CDH13: variants seen among roughly 807,000 people sequenced by gnomAD.
CDH13 encodes the protein cadherin 13.
Under a neutral mutation model 63.8 loss-of-function variants are expected in CDH13, and 24 were observed. The ratio of observed to expected loss-of-function variants is 0.38; its 90% CI spans 0.27 to 0.53. The LOEUF is 0.53. CDH13 is among the 20% of genes least tolerant of loss of function. The pLI is 0.85. For missense variants in CDH13, 1,049 were observed against 903.1 expected (o/e 1.16, Z -2.07); for synonymous variants, 503 against 355.3 (o/e 1.42, Z -4.67).
intron 7 of CDH13, among the ~76,000 whole-genome samples, chr16:83,601,317 C>G (rs924452014): frequency 1.3e-5 from 2 of 152,174 alleles, no homozygotes; most frequent in Non-Finnish European, 2.9e-5. Context: ...TTACCAATGA[C>G]TGCACTCTTC....
intron 8 of CDH13, chr16:83,654,863 C>G (rs924901181): frequency 1.3e-5 from 2 of 152,202 alleles, no homozygotes; most frequent in African/African-American, 4.8e-5. Context: ...AAGAGCATCT[C>G]CAGGTGGCTC....
chr16:83,047,214 A>G lies in CDH13; in HGVS notation c.366+14996A>G, dbSNP rs1450617866. Among the ~76,000 whole-genome samples, 4 of 151,936 alleles carry G rather than the reference A, an allele frequency of 2.6e-5. No individual in the cohort carries two copies. In the East Asian group the frequency reaches 7.7e-4, roughly 29 times the overall value. ...ATCTGAAGACCACCTCCTGCCCCTC[A>G]CTCTTACTCCAGAGGCCTGTGTATT... is the stretch of plus-strand genomic sequence containing the variant. On this transcript the variant is annotated intron_variant, in intron 3 of 13. Coordinates refer to ENST00000567109, the MANE Select transcript of CDH13 (RefSeq NM_001257.5). The surrounding 1 kb of genome is among the most constrained non-coding windows in gnomAD (Gnocchi z 4.9).
chr16:83,031,611 C>T (rs1916358836), intron 2 of CDH13, among the ~76,000 whole-genome samples: 1 of 151,932 alleles, frequency 6.6e-6, no homozygotes. Flanking sequence ...CTTCAATACC[C>T]AGCTCAAATA....
chr16:82,648,973 G>C (rs3910226), intron 1 of CDH13, among the ~76,000 whole-genome samples: 70,050 of 151,884 alleles, frequency 0.46, 17,016 homozygotes, highest in African/African-American at 0.63. Flanking sequence ...ATTTTAGATG[G>C]TTGATCATGA....
intron 3 of CDH13, among the ~76,000 whole-genome samples, chr16:83,034,007 C>G (rs895459525): frequency 6.6e-6 from 1 of 152,108 alleles, no homozygotes; most frequent in African/African-American, 2.4e-5. Context: ...GTGGGTCACA[C>G]AGCTGGGAGC....
intron 1 of CDH13, among the ~76,000 whole-genome samples, chr16:82,634,713 C>T (rs1908438177): frequency 6.6e-6 from 1 of 152,216 alleles, no homozygotes; most frequent in Non-Finnish European, 1.5e-5. Flanking sequence ...AGTTTCCTGA[C>T]TCTTTATCTA....
chr16:83,643,220 A>G (rs1406891395), intron 8 of CDH13, among the ~76,000 whole-genome samples: 1 of 70,358 alleles, frequency 1.4e-5, no homozygotes, highest in Non-Finnish European at 2.6e-5. Context: ...CCAGCATGGC[A>G]CATGTATACA....
At chr16:82,810,605 T>C (rs2037395461) in intron 1 of CDH13, among the ~76,000 whole-genome samples, 2 of 152,068 alleles carry the variant, frequency 1.3e-5, no homozygotes, top group Admixed American at 6.6e-5. Flanking sequence ...GTCTGTGGCA[T>C]TAGTTAGCAT....
intron 1 of CDH13, among the ~76,000 whole-genome samples, chr16:82,749,247 C>G (rs2034311272): frequency 6.6e-6 from 1 of 152,156 alleles, no homozygotes; most frequent in Non-Finnish European, 1.5e-5. Flanking sequence ...CTGGATCCAG[C>G]TGTACCTAAA....
chr16:82,893,831 G>A (rs116159100), intron 2 of CDH13, among the ~76,000 whole-genome samples: 9 of 152,146 alleles, frequency 5.9e-5, no homozygotes, highest in African/African-American at 2.2e-4. Flanking sequence ...TTCTTTCCAT[G>A]TGACTTATCG....
At chr16:82,841,934 C>T (rs1251452442) in intron 1 of CDH13, among the ~76,000 whole-genome samples, 1 of 151,170 alleles carries the variant, frequency 6.6e-6, no homozygotes, top group East Asian at 1.9e-4. Flanking sequence ...GCATTTATGC[C>T]CTGGACATTG....
In CDH13 at chr16:83,082,830, A is replaced by G. The variant is rs577727194; in HGVS notation, c.367-42555A>G. Among the ~76,000 whole-genome samples, 80 of 152,332 alleles carry G rather than the reference A, an allele frequency of 5.3e-4. 1 individual carries two copies. The South Asian group carries it at 0.016, about 31-fold the overall frequency. On this transcript the variant is annotated intron_variant, in intron 3 of 13. Transcript: ENST00000567109. The stretch of plus-strand genomic sequence containing the variant: ...AAAGTCCCTCAAGCACAGAGTCAAT[A>G]TTAATTAGCAAAGCATTCGGTGCTG...
chr16:83,753,072 A>AT (rs1451756812), intron 11 of CDH13, among the ~76,000 whole-genome samples: 12 of 152,342 alleles, frequency 7.9e-5, no homozygotes, highest in African/African-American at 2.9e-4. Flanking sequence ...TAACATACAA[A>AT]ACCATCGTTA....
intron 6 of CDH13, among the ~76,000 whole-genome samples, chr16:83,356,009 C>T (rs183915526): frequency 1.3e-5 from 2 of 152,306 alleles, no homozygotes; most frequent in African/African-American, 4.8e-5. Flanking sequence ...GCCGTGGTCA[C>T]ACAGCTGGTG....
chr16:83,212,060 C>T (rs550874605), intron 4 of CDH13, among the ~76,000 whole-genome samples: 2 of 152,212 alleles, frequency 1.3e-5, no homozygotes, highest in Admixed American at 6.5e-5. Context: ...TTGCTTTGGC[C>T]AGAGGAGTGC....
rs1056034434 is a variant in CDH13, at chr16:83,741,763, G to A, written c.1539-6345G>A. On this transcript the variant is annotated intron_variant, in intron 10 of 13. Coordinates refer to ENST00000567109, the MANE Select transcript of CDH13 (RefSeq NM_001257.5). Reference sequence around the variant, plus strand: ...CATGTAATGTTGGCAACCATGCTGCGCAAACATGGGTCCCCTACATCAGGG... The same window carrying A: ...CATGTAATGTTGGCAACCATGCTGCACAAACATGGGTCCCCTACATCAGGG... 4.6e-5 allele frequency among the ~76,000 whole-genome samples: 7 copies of A among 152,212 alleles called. No homozygotes were observed. The East Asian group carries it at 9.7e-4, about 21-fold the overall frequency.
At chr16:82,628,474 G>A (rs971972855) in intron 1 of CDH13, among the ~76,000 whole-genome samples, 5 of 152,114 alleles carry the variant, frequency 3.3e-5, no homozygotes, top group African/African-American at 7.2e-5. Flanking sequence ...GCAATGTTGG[G>A]TTTAGACTTT....
At chr16:83,405,962 A>ATGCCCTCAGC (rs2092036584) in intron 6 of CDH13, among the ~76,000 whole-genome samples, 4 of 152,226 alleles carry the variant, frequency 2.6e-5, no homozygotes, top group Non-Finnish European at 5.9e-5. Context: ...CTTGAGCCAC[A>ATGCCCTCAGC]TGCCCTCAGC....
At chr16:83,318,187 T>C (rs2090145496) in intron 5 of CDH13, among the ~76,000 whole-genome samples, 1 of 152,316 alleles carries the variant, frequency 6.6e-6, no homozygotes, top group Non-Finnish European at 1.5e-5. Context: ...GCTTTTGCCA[T>C]TGAGAAAAGA....
Sources: gnomAD v4.1 joint callset for allele counts (sites outside exome capture counted in the v4.1 genomes callset) on GRCh38, gnomAD v4.1.1 for gene constraint, Gnocchi (gnomAD v3.1) non-coding constraint, MANE v1.5 for transcripts, NCBI Gene and HGNC (gene_info 2026-07-23, HGNC 2026-07-21) for gene names.